Variants in RIMS1 observed in about 807,000 individuals in gnomAD.
The protein encoded by RIMS1 is regulating synaptic membrane exocytosis protein 1.
A neutral mutation model predicts 214.1 loss-of-function variants in RIMS1; 83 were observed. That is an observed-to-expected ratio of 0.39 (90% CI 0.32 to 0.47). RIMS1 has a LOEUF of 0.47. Ranked by LOEUF, RIMS1 falls within the 20% of genes least tolerant of loss-of-function variation. The probability of loss-of-function intolerance (pLI) is 0.99; values close to 1 mark genes in which losing one functional copy is unlikely to be tolerated. For synonymous variants in RIMS1, 793 were observed against 786.8 expected (o/e 1.01, Z -0.13); for missense variants, 2,050 against 2,161.8 (o/e 0.95, Z 1.03).
intron 6 of RIMS1, among the ~76,000 whole-genome samples, chr6:72,205,250 G>T (rs2052699474): frequency 6.6e-6 from 1 of 152,122 alleles, no homozygotes; most frequent in Admixed American, 6.6e-5. Flanking sequence ...TATTAAGAGA[G>T]AATTGCCATT....
At position 72,179,855 on chromosome 6, in the gene RIMS1, C is replaced by A. The variant is rs1470925915; in HGVS notation, c.752C>A (p.Ala251Asp). ...AAAGGGGCTGAGCCCTCGCAGCAAG[C>A]CTTGGGGCCTGAACAGAAGCAGGCT... The part of the protein sequence containing the change: ...RSKGAEPSQQ[A>D]LGPEQKQASS... The change falls in exon 5 of 34, where the codon GCC becomes GAC. Residue 251 changes from alanine (A) to aspartate (D), a missense_variant. This residue lies in a region of RIMS1 where 882 missense variants were observed against 828.9 expected (regional missense o/e 1.06). Coordinates refer to ENST00000521978, the MANE Select transcript of RIMS1 (RefSeq NM_014989.7). 3 of 1,602,486 alleles carry A rather than the reference C, an allele frequency of 1.9e-6. No homozygotes were observed. The South Asian group carries it at 3.4e-5, about 18-fold the overall frequency.
chr6:72,083,860 T>C (rs1297796922), intron 2 of RIMS1, among the ~76,000 whole-genome samples: 2 of 152,140 alleles, frequency 1.3e-5, no homozygotes, highest in Non-Finnish European at 2.9e-5. Flanking sequence ...AGCTGAGAAA[T>C]AGAACTAGAT....
At chr6:72,231,235 G>A (rs1364042651) in intron 6 of RIMS1, among the ~76,000 whole-genome samples, 1 of 151,632 alleles carries the variant, frequency 6.6e-6, no homozygotes, top group Non-Finnish European at 1.5e-5. Flanking sequence ...ACAGTAATTA[G>A]AGGGATAGAA....
At chr6:72,268,936 G>A (rs2081800732) in intron 22 of RIMS1, among the ~76,000 whole-genome samples, 1 of 152,146 alleles carries the variant, frequency 6.6e-6, no homozygotes, top group Non-Finnish European at 1.5e-5. Context: ...TTGGCAAGGA[G>A]TGAGTTACAG....
chr6:72,132,095 G>A (rs1420023239), intron 4 of RIMS1, among the ~76,000 whole-genome samples: 5 of 152,078 alleles, frequency 3.3e-5, no homozygotes, highest in African/African-American at 4.8e-5. Context: ...TCTACAATTT[G>A]TGCAGTTAAC....
intron 6 of RIMS1, among the ~76,000 whole-genome samples, chr6:72,202,792 T>G (rs2052235155): frequency 6.6e-6 from 1 of 151,462 alleles, no homozygotes; most frequent in Non-Finnish European, 1.5e-5. Context: ...AAATAAGTTT[T>G]AGGCATAGCC....
intron 29 of RIMS1, among the ~76,000 whole-genome samples, chr6:72,383,455 G>A (rs2746215): frequency 0.025 from 3,811 of 151,466 alleles, 137 homozygotes; most frequent in African/African-American, 0.085. Context: ...TTCTCACTGC[G>A]GTTCCACAAA....
At position 71,887,006 on chromosome 6, in the gene RIMS1, G is replaced by T; in HGVS notation, c.-18G>T. ...TGAGAGCCAGAGAGCGAGCAGAGGG[G>T]GCGGGCAGGCCACGAAAATGTCCTC... is the stretch of plus-strand genomic sequence containing the variant. On this transcript the variant is annotated 5_prime_UTR_variant, in exon 1 of 34. Coordinates refer to ENST00000521978, the MANE Select transcript of RIMS1 (RefSeq NM_014989.7). 2 of 1,610,152 alleles carry T rather than the reference G, an allele frequency of 1.2e-6. No homozygotes were observed. Among genetic ancestry groups the T allele is most frequent in the Non-Finnish European group, 1.7e-6 (2 of 1,178,122 alleles).
rs768903981 is a variant in RIMS1 at position 72,233,761 on chromosome 6, T to G, written c.1679-12T>G. ...ATACCATTACACTTTTCATTCTTTTTGTATTGCACAGGTGATTTGGATTAT... is the reference window on the plus strand; with the variant it reads ...ATACCATTACACTTTTCATTCTTTTGGTATTGCACAGGTGATTTGGATTAT... On this transcript the variant is annotated splice_polypyrimidine_tract_variant and intron_variant, in intron 6 of 33. Coordinates refer to ENST00000521978, the MANE Select transcript of RIMS1 (RefSeq NM_014989.7). 2 of 1,553,396 alleles carry G rather than the reference T, an allele frequency of 1.3e-6. No individual in the cohort carries two copies. Among genetic ancestry groups the G allele is most frequent in the Non-Finnish European group, 1.7e-6 (2 of 1,143,332 alleles).
At chr6:72,248,345 C>G (rs2071256843) in intron 12 of RIMS1, among the ~76,000 whole-genome samples, 3 of 152,088 alleles carry the variant, frequency 2.0e-5, no homozygotes, top group African/African-American at 7.2e-5. Context: ...GCCAGATACT[C>G]TGAACATTAA....
intron 29 of RIMS1, among the ~76,000 whole-genome samples, chr6:72,338,244 C>A (rs1233721589): frequency 6.6e-6 from 1 of 151,802 alleles, no homozygotes; most frequent in Non-Finnish European, 1.5e-5. Context: ...ACATCCTCTC[C>A]AGCACCTGTT....
At chr6:72,236,408 A>G (rs943808406) in intron 8 of RIMS1, among the ~76,000 whole-genome samples, 7 of 152,178 alleles carry the variant, frequency 4.6e-5, no homozygotes, top group African/African-American at 1.4e-4. Flanking sequence ...CTTTGAATCT[A>G]CAGTCTTTAT....
chr6:72,257,975 T>C, intron 16 of RIMS1, 150 bp from the exon 17 acceptor site: 1 of 691,300 alleles, frequency 1.4e-6, no homozygotes. Context: ...GTATACTTAA[T>C]ATTTTTGAAG....
At chr6:71,911,208 G>A (rs1776794667) in intron 1 of RIMS1, among the ~76,000 whole-genome samples, 1 of 152,086 alleles carries the variant, frequency 6.6e-6, no homozygotes, top group Non-Finnish European at 1.5e-5. Context: ...TAAGGGCCAT[G>A]TTGCATTAAA....
intron 1 of RIMS1, among the ~76,000 whole-genome samples, chr6:71,905,174 G>A (rs1774886061): frequency 6.6e-6 from 1 of 151,216 alleles, no homozygotes; most frequent in South Asian, 2.1e-4. Context: ...AAACTCTGAG[G>A]ACTTTTTTTT....
intron 4 of RIMS1, among the ~76,000 whole-genome samples, chr6:72,121,059 T>A (rs1448972598): frequency 6.6e-6 from 1 of 151,916 alleles, no homozygotes; most frequent in African/African-American, 2.4e-5. Flanking sequence ...ACTGTAGCCT[T>A]GTAGTATAGT....
chr6:71,897,865 T>C (rs1474238699), intron 1 of RIMS1, among the ~76,000 whole-genome samples: 14 of 152,130 alleles, frequency 9.2e-5, no homozygotes, highest in Admixed American at 9.2e-4. Flanking sequence ...GAATGTGGAC[T>C]GGAGGAGTCA....
At chr6:72,186,659 G>C (rs1218406861) in intron 6 of RIMS1, among the ~76,000 whole-genome samples, 1 of 152,004 alleles carries the variant, frequency 6.6e-6, no homozygotes, top group Non-Finnish European at 1.5e-5. Context: ...TAGGGGGACT[G>C]TTTGCAGTTT....
At chr6:72,128,462 T>A (rs1470641010) in intron 4 of RIMS1, among the ~76,000 whole-genome samples, 5 of 152,090 alleles carry the variant, frequency 3.3e-5, no homozygotes. Flanking sequence ...TTACAGAGCT[T>A]CCCTATACCC....
Sources: gnomAD v4.1 joint callset for allele counts (sites outside exome capture counted in the v4.1 genomes callset) on GRCh38, gnomAD v4.1.1 for gene constraint, gnomAD v4.1.1 regional missense constraint, MANE v1.5 for transcripts, NCBI Gene and HGNC (gene_info 2026-07-23, HGNC 2026-07-21) for gene names.